KCNQ5: variants seen among roughly 807,000 people sequenced by gnomAD.
The protein encoded by KCNQ5 is potassium voltage-gated channel subfamily Q member 5, also known as potassium voltage-gated channel subfamily KQT member 5.
Under a neutral mutation model 98.2 loss-of-function variants are expected in KCNQ5, and 30 were observed. That is an observed-to-expected ratio of 0.31 (90% CI 0.23 to 0.41). The LOEUF is 0.41. Among genes scored for constraint, KCNQ5 ranks in the 10% least tolerant of loss-of-function variants. The probability of loss-of-function intolerance (pLI) is 1.00; values close to 1 mark genes in which losing one functional copy is unlikely to be tolerated. For missense variants in KCNQ5, 835 were observed against 1,182.5 expected, an observed-to-expected ratio of 0.71 and a Z score of 4.31; for synonymous variants, 458 against 449.4, an observed-to-expected ratio of 1.02 and a Z score of -0.24.
chr6:73,191,371 A>G (rs942767457), intron 12 of KCNQ5, among the ~76,000 whole-genome samples: 1 of 152,158 alleles, frequency 6.6e-6, no homozygotes, highest in Non-Finnish European at 1.5e-5. Context: ...CAAATATACT[A>G]TCCTCCTAGT....
At chr6:72,786,266 C>G (rs1773736736) in intron 1 of KCNQ5, among the ~76,000 whole-genome samples, 1 of 152,098 alleles carries the variant, frequency 6.6e-6, no homozygotes, top group Non-Finnish European at 1.5e-5. Context: ...CGATGTTGCT[C>G]TAGAGCTTAC....
intron 1 of KCNQ5, among the ~76,000 whole-genome samples, chr6:72,777,013 G>A (rs895620557): frequency 6.6e-6 from 1 of 152,024 alleles, no homozygotes; most frequent in Admixed American, 6.6e-5. Flanking sequence ...ATAAGCCAGA[G>A]GTAAAAGAGG....
At chr6:72,968,218 A>C (rs1248328184) in intron 1 of KCNQ5, among the ~76,000 whole-genome samples, 1 of 152,210 alleles carries the variant, frequency 6.6e-6, no homozygotes, top group African/African-American at 2.4e-5. Context: ...GAACTCCCTA[A>C]GTGTTTTTGA....
At position 73,142,190 on chromosome 6, in the gene KCNQ5, G is replaced by A. The variant is rs114743927; in HGVS notation, c.1468+8549G>A. Among the ~76,000 whole-genome samples the A allele has an allele frequency of 3.8e-3, 580 of 152,196 alleles. 5 individuals are homozygous for A. The highest frequency in any genetic ancestry group is 0.013 in the African/African-American group (549 of 41,504). ...ATAAGCTCAGAAGTGTTATGCCATC[G>A]CTTCTTTCATGTGTAAGTGGTCACA... is the stretch of plus-strand genomic sequence containing the variant. On this transcript the variant is annotated intron_variant, in intron 10 of 13. Transcript: ENST00000370398.
At chr6:72,780,090 G>A (rs978587695) in intron 1 of KCNQ5, among the ~76,000 whole-genome samples, 1 of 151,996 alleles carries the variant, frequency 6.6e-6, no homozygotes, top group Non-Finnish European at 1.5e-5. Flanking sequence ...TTAGTTAAAG[G>A]CATTTATTAA....
intron 1 of KCNQ5, among the ~76,000 whole-genome samples, chr6:72,931,757 A>C (rs1365466589): frequency 1.3e-5 from 2 of 152,088 alleles, no homozygotes; most frequent in African/African-American, 4.8e-5. Context: ...CCCCTTCCCA[A>C]CTCTGCATGC....
chr6:72,690,912 T>G (rs1326859469), intron 1 of KCNQ5, among the ~76,000 whole-genome samples: 1 of 152,032 alleles, frequency 6.6e-6, no homozygotes, highest in Non-Finnish European at 1.5e-5. Context: ...AAAATTATAT[T>G]TATCCTTTAT....
chr6:73,159,266 T>A (rs927330818), intron 10 of KCNQ5, among the ~76,000 whole-genome samples: 3 of 152,152 alleles, frequency 2.0e-5, no homozygotes, highest in Admixed American at 1.3e-4. Context: ...AAATACCACA[T>A]GTTCTCACTT....
At chr6:73,063,686 TGATAGATAGATA>T (rs1554203586) in intron 3 of KCNQ5, among the ~76,000 whole-genome samples, 1 of 93,244 alleles carries the variant, frequency 1.1e-5, no homozygotes, top group African/African-American at 4.0e-5. Context: ...GATAGATAGA[TGATAGATAGATA>T]GATAGATAGA....
intron 5 of KCNQ5, among the ~76,000 whole-genome samples, chr6:73,088,903 C>T (rs1401907309): frequency 6.6e-6 from 1 of 152,178 alleles, no homozygotes; most frequent in East Asian, 1.9e-4. Context: ...TCTCCACTCT[C>T]ATAGTGTCTT....
chr6:72,830,934 A>G (rs1467124333), intron 1 of KCNQ5, among the ~76,000 whole-genome samples: 1 of 152,212 alleles, frequency 6.6e-6, no homozygotes, highest in African/African-American at 2.4e-5. Context: ...ATGAACAGAC[A>G]TTTCTCAAAA....
At chr6:73,043,218 C>A in intron 3 of KCNQ5, 1 of 347,202 alleles carries the variant, frequency 2.9e-6, no homozygotes, top group South Asian at 2.5e-5. Flanking sequence ...TCATAGTATG[C>A]ACATCTCAAA....
intron 1 of KCNQ5, among the ~76,000 whole-genome samples, chr6:72,705,367 T>C (rs551998868): frequency 6.6e-5 from 10 of 152,298 alleles, no homozygotes; most frequent in African/African-American, 9.6e-5. Context: ...TTGACATGTA[T>C]GAATAATACA....
chr6:72,656,070 A>C (rs1211980654), intron 1 of KCNQ5, among the ~76,000 whole-genome samples: 1 of 152,206 alleles, frequency 6.6e-6, no homozygotes, highest in East Asian at 1.9e-4. Flanking sequence ...TTATTGGCAC[A>C]GGTGATTCTC....
chr6:72,976,238 A>G (rs896080097), intron 1 of KCNQ5, among the ~76,000 whole-genome samples: 1 of 152,214 alleles, frequency 6.6e-6, no homozygotes, highest in African/African-American at 2.4e-5. Context: ...AGAAAATTGC[A>G]ATGGTTAAGT....
At chr6:73,136,872 T>C (rs1290867755) in intron 10 of KCNQ5, 1 of 152,216 alleles carries the variant, frequency 6.6e-6, no homozygotes, top group East Asian at 1.9e-4. Context: ...TATATAACAC[T>C]TATAGCCAGT....
At chr6:73,021,893 G>A (rs1237997309) in intron 2 of KCNQ5, among the ~76,000 whole-genome samples, 1 of 152,068 alleles carries the variant, frequency 6.6e-6, no homozygotes. Flanking sequence ...CGCTCATTTT[G>A]TGCCTCTTTT....
At chr6:73,143,883 C>T (rs149414595) in intron 10 of KCNQ5, among the ~76,000 whole-genome samples, 2 of 152,264 alleles carry the variant, frequency 1.3e-5, no homozygotes, top group East Asian at 1.9e-4. Context: ...GTCCAAAATT[C>T]GCACAAAATA....
At chr6:73,182,088 G>A (rs1323596580) in intron 11 of KCNQ5, among the ~76,000 whole-genome samples, 1 of 152,052 alleles carries the variant, frequency 6.6e-6, no homozygotes, top group Non-Finnish European at 1.5e-5. Context: ...CCAGTTCATG[G>A]GCTTTCATTT....
Sources: allele counts gnomAD v4.1 joint callset (sites outside exome capture counted in the v4.1 genomes callset), GRCh38; gene constraint gnomAD v4.1.1; transcripts MANE v1.5; gene names NCBI Gene and HGNC (gene_info 2026-07-23, HGNC 2026-07-21).